IMMP2L: variants seen among roughly 807,000 people sequenced by gnomAD.
IMMP2L encodes mitochondrial inner membrane protease subunit 2.
IMMP2L carries 18 observed loss-of-function variants against 19.3 expected under a neutral mutation model. The ratio of observed to expected loss-of-function variants is 0.93; its 90% CI spans 0.64 to 1.38. The LOEUF is 1.38. Among genes scored for constraint, IMMP2L ranks in the 40% most tolerant of loss-of-function variants. The probability of loss-of-function intolerance (pLI) is 0.00; values close to 1 mark genes in which losing one functional copy is unlikely to be tolerated. For missense variants in IMMP2L, 233 were observed against 218.2 expected (o/e 1.07, Z -0.43); for synonymous variants, 76 against 73.0 (o/e 1.04, Z -0.21).
intron 3 of IMMP2L, among the ~76,000 whole-genome samples, chr7:111,042,507 A>G (rs1791996661): frequency 6.6e-6 from 1 of 152,166 alleles, no homozygotes; most frequent in Non-Finnish European, 1.5e-5. Flanking sequence ...ATCTTGTGCA[A>G]GGGTTAACTT....
chr7:110,853,690 T>C (rs1806469278), intron 5 of IMMP2L, among the ~76,000 whole-genome samples: 1 of 152,084 alleles, frequency 6.6e-6, no homozygotes, highest in South Asian at 2.1e-4. Flanking sequence ...TTTTTCTCTC[T>C]AGAAGCACCT....
chr7:111,318,590 A>C (rs1400787172), intron 3 of IMMP2L, among the ~76,000 whole-genome samples: 1 of 152,120 alleles, frequency 6.6e-6, no homozygotes, highest in East Asian at 1.9e-4. Context: ...GGTATGGATC[A>C]ATTCAAATGA....
At chr7:111,059,514 G>A (rs1013210195) in intron 3 of IMMP2L, among the ~76,000 whole-genome samples, 2 of 152,106 alleles carry the variant, frequency 1.3e-5, no homozygotes, top group African/African-American at 4.8e-5. Context: ...AATTATTACA[G>A]ACCTATCTCC....
At position 110,663,616 on chromosome 7, in the gene IMMP2L, T is replaced by G; in HGVS notation, c.514A>C (p.Arg172=). ...GATTCATGCAGTCATTCCTCTTCTC[T>G]CTGTACTGGTAAGCGCTCTGGAGGA... is the stretch of plus-strand genomic sequence containing the variant. The part of the protein sequence containing the change: ...VLPPERLPVQ[R]EEE The change falls in exon 6 of 6, where the codon AGA becomes CGA. Residue 172 remains arginine, a synonymous_variant. Transcript: ENST00000405709. 1 of 1,613,490 alleles carries G rather than the reference T, an allele frequency of 6.2e-7. No homozygotes were observed. The highest frequency in any genetic ancestry group is 8.5e-7 in the Non-Finnish European group (1 of 1,179,562).
chr7:110,734,550 C>T (rs1445370012), intron 5 of IMMP2L, among the ~76,000 whole-genome samples: 4 of 151,990 alleles, frequency 2.6e-5, no homozygotes, highest in Admixed American at 2.0e-4. Flanking sequence ...GGAAGCAGAA[C>T]TTAAAGGTTT....
At chr7:111,335,804 CCTT>C (rs931183516) in intron 3 of IMMP2L, among the ~76,000 whole-genome samples, 4 of 151,966 alleles carry the variant, frequency 2.6e-5, no homozygotes, top group South Asian at 2.1e-4. Context: ...CAAGTTTGAT[CCTT>C]CTTATAAAAC....
intron 5 of IMMP2L, among the ~76,000 whole-genome samples, chr7:110,787,388 T>C (rs1800154367): frequency 6.6e-6 from 1 of 152,096 alleles, no homozygotes; most frequent in South Asian, 2.1e-4. Flanking sequence ...TGCTACTCAA[T>C]GTGATCAGTT....
intron 3 of IMMP2L, among the ~76,000 whole-genome samples, chr7:111,025,664 G>T (rs1478996773): frequency 6.6e-6 from 1 of 152,126 alleles, no homozygotes; most frequent in East Asian, 1.9e-4. Flanking sequence ...CTCTGGGAGG[G>T]TGATATGAGT....
intron 3 of IMMP2L, among the ~76,000 whole-genome samples, chr7:110,997,529 T>G (rs1585660077): frequency 1.3e-5 from 2 of 152,264 alleles, no homozygotes; most frequent in East Asian, 1.9e-4. Flanking sequence ...GCATTTGGTG[T>G]TGTCACTATT....
At chr7:111,058,766 C>T (rs1415158445) in intron 3 of IMMP2L, among the ~76,000 whole-genome samples, 1 of 152,048 alleles carries the variant, frequency 6.6e-6, no homozygotes, top group African/African-American at 2.4e-5. Flanking sequence ...AGGAAAACAC[C>T]CACCCCCAAC....
chr7:111,280,238 C>T (rs371428278), intron 3 of IMMP2L, among the ~76,000 whole-genome samples: 27 of 152,252 alleles, frequency 1.8e-4, no homozygotes, highest in South Asian at 1.2e-3. Context: ...AAGCTCTTCC[C>T]TATTCCCGGG....
chr7:110,758,346 A>G lies in IMMP2L; in HGVS notation c.409-94625T>C, dbSNP rs1246779218. 6.6e-6 allele frequency among the ~76,000 whole-genome samples: 1 copy of G among 152,094 alleles called. No homozygotes were observed. The highest frequency in any genetic ancestry group is 1.5e-5 in the Non-Finnish European group (1 of 67,992). On this transcript the variant is annotated intron_variant, in intron 5 of 5. Transcript: ENST00000405709. This position sits in a 1 kb window ranked among gnomAD's most constrained non-coding sequence, Gnocchi z 4.6. ...AGTGAAGAAAAGGAGAGAAATAGGA[A>G]GTCACTGGAGGCAGAAGCAGAGAGA...
At chr7:111,129,694 C>T (rs983167558) in intron 3 of IMMP2L, among the ~76,000 whole-genome samples, 16 of 152,018 alleles carry the variant, frequency 1.1e-4, no homozygotes, top group Admixed American at 8.5e-4. Flanking sequence ...GAACTGACTC[C>T]AGTTTTCACA....
At position 111,521,296 on chromosome 7, in the gene IMMP2L, A is replaced by G. The variant is rs751450475; in HGVS notation, c.135+17T>C. The G allele has an allele frequency of 1.2e-6, 2 of 1,606,158 alleles. No homozygotes were observed. On this transcript the variant is annotated intron_variant, in intron 2 of 5. Transcript: ENST00000405709. ...ATGAAGTATGTGCTTTAAAGAACGAAGTTATATCATTTTCACCTGCATCGA... is the reference window on the plus strand; with the variant it reads ...ATGAAGTATGTGCTTTAAAGAACGAGGTTATATCATTTTCACCTGCATCGA...
chr7:110,919,790 G>A (rs900970800), intron 4 of IMMP2L, among the ~76,000 whole-genome samples: 6 of 152,156 alleles, frequency 3.9e-5, no homozygotes, highest in African/African-American at 1.4e-4. Flanking sequence ...ATTGAAGGAT[G>A]CAAAATAGTG....
chr7:110,690,574 A>G (rs766316398), intron 5 of IMMP2L, among the ~76,000 whole-genome samples: 6 of 152,152 alleles, frequency 3.9e-5, no homozygotes, highest in Non-Finnish European at 8.8e-5. Flanking sequence ...CTCCTCCAAA[A>G]GACTCCTACA....
chr7:110,986,228 T>C (rs2129558782), intron 3 of IMMP2L, among the ~76,000 whole-genome samples: 1 of 152,220 alleles, frequency 6.6e-6, no homozygotes, highest in Admixed American at 6.5e-5. Context: ...AAAACAAAGT[T>C]TGAGCTTTTC....
At chr7:110,778,691 A>G (rs1799550677) in intron 5 of IMMP2L, among the ~76,000 whole-genome samples, 1 of 152,046 alleles carries the variant, frequency 6.6e-6, no homozygotes, top group Non-Finnish European at 1.5e-5. Flanking sequence ...TTACATTTTA[A>G]AATAAGGTAA....
intron 3 of IMMP2L, among the ~76,000 whole-genome samples, chr7:111,184,290 C>T (rs906501660): frequency 3.3e-5 from 5 of 151,870 alleles, no homozygotes; most frequent in African/African-American, 9.7e-5. Flanking sequence ...CTTTAATCTT[C>T]ACCTTAAAAT....
Sources: gnomAD v4.1 joint callset for allele counts (sites outside exome capture counted in the v4.1 genomes callset) on GRCh38, gnomAD v4.1.1 for gene constraint, Gnocchi (gnomAD v3.1) non-coding constraint, MANE v1.5 for transcripts, NCBI Gene and HGNC (gene_info 2026-07-23, HGNC 2026-07-21) for gene names.